The following LMTK3 variants were observed in gnomAD, a reference collection of about 807,000 sequenced individuals.
The protein encoded by LMTK3 is lemur tail kinase 3, also known as serine/threonine-protein kinase LMTK3.
Under a neutral mutation model 116.7 loss-of-function variants are expected in LMTK3, and 27 were observed. That is an observed-to-expected ratio of 0.23 (90% CI 0.17 to 0.32). LMTK3 has a LOEUF of 0.32. Among genes scored for constraint, LMTK3 ranks in the 10% least tolerant of loss-of-function variants. The pLI is 1.00. For missense variants in LMTK3, 1,764 were observed against 2,068.5 expected (o/e 0.85, Z 2.86); for synonymous variants, 965 against 971.0 (o/e 0.99, Z 0.11).
At chr19:48,506,836 T>G (rs538075244) in intron 5 of LMTK3, among the ~76,000 whole-genome samples, 1 of 152,220 alleles carries the variant, frequency 6.6e-6, no homozygotes, top group South Asian at 2.1e-4. Flanking sequence ...TGGCTAATGT[T>G]TGCATTTTTA....
At chr19:48,499,970 A>G in intron 10 of LMTK3, 53 bp from the exon 11 acceptor site, 1 of 1,495,750 alleles carries the variant, frequency 6.7e-7, no homozygotes, top group Non-Finnish European at 8.9e-7. Flanking sequence ...GAGGGGAAAG[A>G]GACCCAGGGA....
intron 14 of LMTK3, among the ~76,000 whole-genome samples, chr19:48,487,383 C>T (rs1485380670): frequency 6.6e-6 from 1 of 152,142 alleles, no homozygotes; most frequent in Admixed American, 6.6e-5. Context: ...ACCATGTTGG[C>T]CGGCTGGTCT....
chr19:48,509,211 C>A (rs999909108), intron 4 of LMTK3, among the ~76,000 whole-genome samples: 2 of 141,248 alleles, frequency 1.4e-5, no homozygotes, highest in South Asian at 5.2e-4. Flanking sequence ...CCGGGTGGCG[C>A]GGCGGAGTGG....
At chr19:48,496,266 C>T (rs1461073988) in intron 11 of LMTK3, among the ~76,000 whole-genome samples, 9 of 151,484 alleles carry the variant, frequency 5.9e-5, no homozygotes, top group East Asian at 1.9e-4. Context: ...CATGCCACCA[C>T]GCTGGCTAAT....
chr19:48,491,284 C>A lies in LMTK3; in HGVS notation c.4229-39G>T, dbSNP rs911787377. On this transcript the variant is annotated intron_variant, in intron 13 of 14. Transcript: ENST00000600059. The surrounding 1 kb of genome is among the most constrained non-coding windows in gnomAD (Gnocchi z 5.1). Reference sequence around the variant, plus strand: ...AAAGACCGCGGTCAGGCTGCAGACACCTGCGGCACTCCCGCCCTCTGGTCC... The same window carrying A: ...AAAGACCGCGGTCAGGCTGCAGACAACTGCGGCACTCCCGCCCTCTGGTCC... 1.5e-5 allele frequency: 20 copies of A among 1,367,904 alleles called. No homozygotes were observed. Among genetic ancestry groups the A allele is most frequent in the Non-Finnish European group, 1.8e-5 (19 of 1,057,796 alleles). 84.7% of individuals were successfully genotyped at this position (1,367,904 alleles called of 1,614,324 possible). A position where few individuals can be genotyped will look rare whatever the true frequency, so the allele number is the denominator to read the frequency against.
At chr19:48,488,544 G>GC in intron 14 of LMTK3, among the ~76,000 whole-genome samples, 1 of 152,024 alleles carries the variant, frequency 6.6e-6, no homozygotes, top group African/African-American at 2.4e-5. Flanking sequence ...TGCACCCCCT[G>GC]CCATCTCTCC....
At position 48,499,345 on chromosome 19, in the gene LMTK3, T is replaced by G. The variant is rs1230962770; in HGVS notation, c.1724A>C (p.Glu575Ala). 7.1e-7 allele frequency: 1 copy of G among 1,412,172 alleles called. No homozygotes were observed. The highest frequency in any genetic ancestry group is 1.5e-5 in the African/African-American group (1 of 67,428). The allele number at this position is 1,412,172 out of a possible 1,614,324, so 87.5% of individuals were successfully genotyped here. The change falls in exon 11 of 15, where the codon GAG becomes GCG. Residue 575 changes from glutamate (E) to alanine (A), a missense_variant. Physicochemically the swap from Glu to Ala is moderately radical, Grantham distance 107. Coordinates refer to ENST00000600059, the MANE Select transcript of LMTK3 (RefSeq NM_001388485.1). The part of the protein sequence containing the change: ...PAPQAPQAPS[E>A]VPQLVSETWA... ...GGTCTCGGACACCAGCTGGGGGACC[T>G]CGGAGGGGGCCTGGGGGGCCTGAGG...
rs188546891 is a variant in LMTK3, at chr19:48,500,161, G to A, written c.1152-244C>T. On this transcript the variant is annotated intron_variant, in intron 10 of 14. Coordinates refer to ENST00000600059, the MANE Select transcript of LMTK3 (RefSeq NM_001388485.1). The surrounding 1 kb of genome is among the most constrained non-coding windows in gnomAD (Gnocchi z 4.0). The stretch of plus-strand genomic sequence containing the variant: ...CAGAGATCCAGGCGTGGTGGCTCAC[G>A]CCTGTAATCCCAGCACTTTGGGAGG... Among the ~76,000 whole-genome samples the A allele has an allele frequency of 1.0e-4, 15 of 150,074 alleles. No homozygotes were observed. Among genetic ancestry groups the A allele is most frequent in the African/African-American group, 2.9e-4 (12 of 40,704 alleles).
chr19:48,491,901 T>G lies in LMTK3; in HGVS notation c.4093-362A>C, dbSNP rs1049785433. On this transcript the variant is annotated intron_variant, in intron 12 of 14. Coordinates refer to ENST00000600059, the MANE Select transcript of LMTK3 (RefSeq NM_001388485.1). The surrounding 1 kb of genome is among the most constrained non-coding windows in gnomAD (Gnocchi z 5.1). ...CGTCCACGTCAGTCCCACCCACCTCTGAGATCTTGACCTGCTCCAGTGGCC... is the reference window on the plus strand; with the variant it reads ...CGTCCACGTCAGTCCCACCCACCTCGGAGATCTTGACCTGCTCCAGTGGCC... Among the ~76,000 whole-genome samples the G allele has an allele frequency of 2.0e-5, 3 of 150,554 alleles. No homozygotes were observed. The highest frequency in any genetic ancestry group is 4.4e-5 in the Non-Finnish European group (3 of 67,610).
chr19:48,509,756 C>T (rs76743520), intron 3 of LMTK3, among the ~76,000 whole-genome samples: 3,124 of 152,246 alleles, frequency 0.021, 100 homozygotes, highest in African/African-American at 0.071. Flanking sequence ...CCATTGGCTG[C>T]CTCTGAGACT....
chr19:48,502,811 G>T, intron 6 of LMTK3, 98 bp downstream of exon 6: 2 of 945,354 alleles, frequency 2.1e-6, no homozygotes, highest in Non-Finnish European at 3.3e-6. Flanking sequence ...CATCTACGAT[G>T]ATGATGATGA....
At position 48,509,519 on chromosome 19, in the gene LMTK3, G is replaced by T; in HGVS notation, c.362-6C>A. 1 of 1,547,144 alleles carries T rather than the reference G, an allele frequency of 6.5e-7. No homozygotes were observed. The highest frequency in any genetic ancestry group is 2.4e-5 in the East Asian group (1 of 41,140). On this transcript the variant is annotated splice_region_variant and splice_polypyrimidine_tract_variant and intron_variant, in intron 3 of 14. Transcript: ENST00000600059. ...GCCCAGGGGGGTGGTCATGTCTGGGGAGGGCAAGAGGGGAAAGCCCCTGAG... is the reference window on the plus strand; with the variant it reads ...GCCCAGGGGGGTGGTCATGTCTGGGTAGGGCAAGAGGGGAAAGCCCCTGAG...
rs1469109656 is a variant in LMTK3, at chr19:48,497,268, G to T, written c.3676+125C>A. ...CTGAGCCACGATGTGAGCCCAGGTG[G>T]TGCAGGCTTCAGGACCTGCATTCAT... On this transcript the variant is annotated intron_variant, in intron 11 of 14. Transcript: ENST00000600059. The surrounding 1 kb of genome is among the most constrained non-coding windows in gnomAD (Gnocchi z 5.7). The T allele has an allele frequency of 1.6e-5, 17 of 1,049,980 alleles. No individual in the cohort carries two copies. Among genetic ancestry groups the T allele is most frequent in the Admixed American group, 4.1e-5 (1 of 24,536 alleles). 65.0% of individuals were successfully genotyped at this position (1,049,980 alleles called of 1,614,324 possible). A position where few individuals can be genotyped will look rare whatever the true frequency, so the allele number is the denominator to read the frequency against.
chr19:48,486,401 C>T (rs1049173375), intron 14 of LMTK3, among the ~76,000 whole-genome samples: 13 of 151,886 alleles, frequency 8.6e-5, no homozygotes, highest in Admixed American at 2.0e-4. Context: ...CCACCTGCAA[C>T]GTCCCCTCCA....
Position 48,498,868 on chromosome 19 carries a change from T to A in LMTK3, c.2201A>T (p.Asp734Val). 1.2e-6 allele frequency: 1 copy of A among 840,592 alleles called. No individual in the cohort carries two copies. The highest frequency in any genetic ancestry group is 1.4e-6 in the Non-Finnish European group (1 of 703,434). The allele number at this position is 840,592 out of a possible 1,614,324, so 52.1% of individuals were successfully genotyped here. Residue 734 changes from aspartate to valine, a missense_variant, in exon 11 of 15, where the codon GAC becomes GTC. Asp to Val is a radical substitution (Grantham distance 152, BLOSUM62 -3). Transcript: ENST00000600059. ...GGGCGCCGCCGCCCCCATGAGGGGG[T>A]CCAGAAACTCGGGGGGGGCCGAGGC... is the stretch of plus-strand genomic sequence containing the variant. ...PPASAPPEFL[D>V]PLMGAAAPQY... is the part of the protein sequence containing the mutation.
In LMTK3 at chr19:48,497,462, T is replaced by C. The variant is rs923819670; in HGVS notation, c.3607A>G (p.Lys1203Glu). ...GDGDPPKPER[K>E]GPEMPRLFLD... ...AATAGTCGTGGCATCTCGGGGCCCT[T>C]CCTCTCGGGCTTGGGGGGGTCCCCG... Residue 1203 changes from lysine (K) to glutamate (E), a missense_variant, in exon 11 of 15, where the codon AAG becomes GAG. Transcript: ENST00000600059. This position sits in a 1 kb window ranked among gnomAD's most constrained non-coding sequence, Gnocchi z 5.7. 1 of 1,526,926 alleles carries C rather than the reference T, an allele frequency of 6.5e-7. No individual in the cohort carries two copies. Among genetic ancestry groups the C allele is most frequent in the Non-Finnish European group, 8.8e-7 (1 of 1,140,584 alleles). The allele number at this position is 1,526,926 out of a possible 1,614,324, so 94.6% of individuals were successfully genotyped here.
In LMTK3 at chr19:48,493,721, C is replaced by G. The variant is rs1972270695; in HGVS notation, c.4065G>C (p.Gly1355=). ...ERKRKMVSFH[G]DVTVYLFDQE... is the part of the protein sequence containing the mutation. ...GGTCGAAGAGGTAGACGGTCACGTC[C>G]CCGTGGAAGGAGACCATCTTGCGCT... The change falls in exon 12 of 15, where the codon GGG becomes GGC. Residue 1355 remains glycine (G), a synonymous_variant. Coordinates refer to ENST00000600059, the MANE Select transcript of LMTK3 (RefSeq NM_001388485.1). 1 of 1,577,228 alleles carries G rather than the reference C, an allele frequency of 6.3e-7. No homozygotes were observed. Among genetic ancestry groups the G allele is most frequent in the Non-Finnish European group, 8.6e-7 (1 of 1,163,104 alleles).
chr19:48,513,650 C>T (rs1972696062), upstream of LMTK3: 2 of 183,162 alleles, frequency 1.1e-5, no homozygotes, highest in Admixed American at 5.7e-5. This position sits in a 1 kb window ranked among gnomAD's most constrained non-coding sequence, Gnocchi z 5.6. Flanking sequence ...GCACCCAAGA[C>T]GCAGCCTCAG....
rs1295047669 is a variant in LMTK3, at chr19:48,494,242, G to GC, written c.3677-134dup. 1.2e-5 allele frequency: 5 copies of GC among 420,458 alleles called. No homozygotes were observed. Among genetic ancestry groups the GC allele is most frequent in the Non-Finnish European group, 1.7e-5 (5 of 291,562 alleles). 26.0% of individuals were successfully genotyped at this position (420,458 alleles called of 1,614,324 possible). On this transcript the variant is annotated intron_variant, in intron 11 of 14. Coordinates refer to ENST00000600059, the MANE Select transcript of LMTK3 (RefSeq NM_001388485.1). The surrounding 1 kb of genome is among the most constrained non-coding windows in gnomAD (Gnocchi z 4.0). ...CACCCACTTTGTGAACGGAAGGGCT[G>GC]CACCAGGGCTTCTCCAGGCAGGGTG... is the stretch of plus-strand genomic sequence containing the variant.
Sources: allele counts gnomAD v4.1 joint callset (sites outside exome capture counted in the v4.1 genomes callset), GRCh38; gene constraint gnomAD v4.1.1; non-coding constraint Gnocchi (gnomAD v3.1); transcripts MANE v1.5; gene names NCBI Gene and HGNC (gene_info 2026-07-23, HGNC 2026-07-21).